The following STK32B variants were observed in gnomAD, a reference collection of about 807,000 sequenced individuals.
STK32B encodes the protein serine/threonine-protein kinase 32B.
In STK32B, 43 loss-of-function variants were observed where a neutral mutation model predicts 52.6. That is an observed-to-expected ratio of 0.82 (90% CI 0.64 to 1.05). STK32B has a LOEUF of 1.05. STK32B is among the 50% of genes least tolerant of loss of function. The probability of loss-of-function intolerance (pLI) is 0.00; values close to 1 mark genes in which losing one functional copy is unlikely to be tolerated. For synonymous variants in STK32B, 238 were observed against 204.3 expected (o/e 1.17, Z -1.41); for missense variants, 621 against 534.6 (o/e 1.16, Z -1.59).
intron 4 of STK32B, among the ~76,000 whole-genome samples, chr4:5,351,433 A>G (rs1457031097): frequency 2.0e-5 from 3 of 152,152 alleles, no homozygotes; most frequent in Non-Finnish European, 4.4e-5. Context: ...CAAGACACAC[A>G]TGCCAAAACG....
intron 2 of STK32B, among the ~76,000 whole-genome samples, chr4:5,145,908 A>T (rs1466323065): frequency 8.5e-5 from 13 of 152,102 alleles, no homozygotes; most frequent in Non-Finnish European, 1.9e-4. Flanking sequence ...GTATAAGAAA[A>T]CCTGGCTCAC....
chr4:5,372,862 C>T (rs1735342394), intron 4 of STK32B, among the ~76,000 whole-genome samples: 3 of 152,098 alleles, frequency 2.0e-5, no homozygotes, highest in Admixed American at 2.0e-4. Context: ...CTGCCATGAG[C>T]CCAATAAAGT....
intron 5 of STK32B, among the ~76,000 whole-genome samples, chr4:5,415,689 G>A (rs915156646): frequency 1.3e-5 from 2 of 152,176 alleles, no homozygotes; most frequent in African/African-American, 4.8e-5. Context: ...ATCTCACCTA[G>A]GATCACTGGA....
intron 5 of STK32B, among the ~76,000 whole-genome samples, chr4:5,405,700 A>G (rs988805057): frequency 5.3e-5 from 8 of 152,092 alleles, no homozygotes; most frequent in African/African-American, 1.9e-4. Flanking sequence ...AGTGCTACAC[A>G]CTTTTATAAA....
chr4:5,212,460 CTA>C (rs1025399456), intron 3 of STK32B, among the ~76,000 whole-genome samples: 1 of 152,170 alleles, frequency 6.6e-6, no homozygotes, highest in Non-Finnish European at 1.5e-5. Context: ...ACTGAGGTGA[CTA>C]TGTGGATCAT....
chr4:5,302,294 GTA>G (rs748168784), intron 3 of STK32B, among the ~76,000 whole-genome samples: 4 of 150,720 alleles, frequency 2.7e-5, no homozygotes, highest in South Asian at 2.1e-4. Flanking sequence ...TATTCTGTGT[GTA>G]TGTTTTCAGA....
rs945749617 is a variant in STK32B, at chr4:5,234,284, TAATG to T, written c.260+65838_260+65841del. On this transcript the variant is annotated intron_variant, in intron 3 of 11. Transcript: ENST00000282908. ...GTTTTTTCTCATCTGTAAATAGGTA[TAATG>T]AATAATAATTATGTCTGAAATGAGC... Among the ~76,000 whole-genome samples, 4 of 152,226 alleles carry T rather than the reference TAATG, an allele frequency of 2.6e-5. No individual in the cohort carries two copies. The East Asian group carries it at 5.8e-4, about 22-fold the overall frequency.
At chr4:5,110,292 C>T (rs997345122) in intron 1 of STK32B, among the ~76,000 whole-genome samples, 1 of 120,542 alleles carries the variant, frequency 8.3e-6, no homozygotes, top group African/African-American at 3.1e-5. Context: ...AAAAAAAAAG[C>T]GCAAATGACC....
rs199771574 is a variant in STK32B, at chr4:5,159,552, A to AAT, written c.109-8740_109-8739dup. Among the ~76,000 whole-genome samples the AAT allele has an allele frequency of 2.4e-3, 165 of 69,194 alleles. 4 individuals are homozygous for AAT. The highest frequency in any genetic ancestry group is 5.5e-3 in the East Asian group (12 of 2,186). The allele number at this position is 69,194 out of a possible 152,430, so 45.4% of individuals were successfully genotyped here. The stretch of plus-strand genomic sequence containing the variant: ...ATATATGTATATATGTATATATATG[A>AAT]ATATATATGAATGAATATATATGAA... On this transcript the variant is annotated intron_variant, in intron 2 of 11. Coordinates refer to ENST00000282908, the MANE Select transcript of STK32B (RefSeq NM_018401.3).
At chr4:5,483,644 T>C (rs1718907414) in intron 11 of STK32B, among the ~76,000 whole-genome samples, 1 of 152,188 alleles carries the variant, frequency 6.6e-6, no homozygotes, top group Non-Finnish European at 1.5e-5. Context: ...TGAATGTGTT[T>C]GCTCTTGCTT....
At chr4:5,364,423 A>G (rs1023807539) in intron 4 of STK32B, among the ~76,000 whole-genome samples, 2 of 152,200 alleles carry the variant, frequency 1.3e-5, no homozygotes, top group Non-Finnish European at 2.9e-5. Context: ...TGCACTCTTC[A>G]GTGGGCTGGC....
intron 3 of STK32B, among the ~76,000 whole-genome samples, chr4:5,249,113 G>A (rs557362360): frequency 4.1e-4 from 62 of 152,218 alleles, no homozygotes; most frequent in Non-Finnish European, 7.9e-4. Flanking sequence ...ATGCCTTTCT[G>A]TATCAATACT....
Position 5,433,309 on chromosome 4 carries a change from C to T in STK32B, c.563-13364C>T, listed in dbSNP as rs986261766. Among the ~76,000 whole-genome samples the T allele has an allele frequency of 3.3e-5, 5 of 152,086 alleles. 1 individual carries two copies. Among genetic ancestry groups the T allele is most frequent in the Non-Finnish European group, 5.9e-5 (4 of 68,022 alleles). On this transcript the variant is annotated intron_variant, in intron 6 of 11. Coordinates refer to ENST00000282908, the MANE Select transcript of STK32B (RefSeq NM_018401.3). ...TTTCTGACTGTGCTGCTGAAAAGAC[C>T]CTTGCGGCTGAGACTGAGAACCCAG...
At chr4:5,070,211 G>C (rs1711674535) in intron 1 of STK32B, among the ~76,000 whole-genome samples, 1 of 152,162 alleles carries the variant, frequency 6.6e-6, no homozygotes, top group South Asian at 2.1e-4. Context: ...CGTGCTACCT[G>C]TCAGGAAGGC....
At position 5,386,433 on chromosome 4, in the gene STK32B, A is replaced by G. The variant is rs1447541324; in HGVS notation, c.435-11774A>G. 6.6e-6 allele frequency among the ~76,000 whole-genome samples: 1 copy of G among 152,120 alleles called. No homozygotes were observed. The highest frequency in any genetic ancestry group is 6.5e-5 in the Admixed American group (1 of 15,284). On this transcript the variant is annotated intron_variant, in intron 4 of 11. Coordinates refer to ENST00000282908, the MANE Select transcript of STK32B (RefSeq NM_018401.3). The surrounding 1 kb of genome is among the most constrained non-coding windows in gnomAD (Gnocchi z 4.5). Reference sequence around the variant, plus strand: ...TAGAAGCAGGAAAAGGTAATTCTTGATGGTCCAAGAGCACTGGCCATGGAG... The same window carrying G: ...TAGAAGCAGGAAAAGGTAATTCTTGGTGGTCCAAGAGCACTGGCCATGGAG...
intron 2 of STK32B, among the ~76,000 whole-genome samples, chr4:5,143,124 T>TGTC (rs796639969): frequency 8.0e-5 from 12 of 150,496 alleles, no homozygotes; most frequent in Non-Finnish European, 1.5e-4. Flanking sequence ...TCTGTCTGTC[T>TGTC]GTCTGTCTAT....
chr4:5,494,754 C>G (rs958045633), intron 11 of STK32B, among the ~76,000 whole-genome samples: 3 of 152,144 alleles, frequency 2.0e-5, no homozygotes, highest in African/African-American at 7.2e-5. Flanking sequence ...TTCAGGAGCT[C>G]TTTTAGGGCA....
intron 3 of STK32B, among the ~76,000 whole-genome samples, chr4:5,195,072 G>A (rs776382953): frequency 1.7e-4 from 26 of 151,954 alleles, no homozygotes; most frequent in Non-Finnish European, 2.5e-4. Context: ...TTTCTTTTTG[G>A]GATTGTTTGC....
intron 3 of STK32B, among the ~76,000 whole-genome samples, chr4:5,208,565 C>A (rs2108783347): frequency 6.6e-6 from 1 of 152,300 alleles, no homozygotes; most frequent in Middle Eastern, 3.4e-3. Context: ...ACTTTATTAA[C>A]ATCACTCAGC....
Sources: allele counts gnomAD v4.1 joint callset (sites outside exome capture counted in the v4.1 genomes callset), GRCh38; gene constraint gnomAD v4.1.1; non-coding constraint Gnocchi (gnomAD v3.1); transcripts MANE v1.5; gene names NCBI Gene and HGNC (gene_info 2026-07-23, HGNC 2026-07-21).